SPSB1: variants seen among roughly 807,000 people sequenced by gnomAD.
The protein encoded by SPSB1 is SPRY domain-containing SOCS box protein 1.
In SPSB1, 8 loss-of-function variants were observed where a neutral mutation model predicts 21.2. The observed-to-expected ratio is 0.38, with a 90% CI of 0.22 to 0.68. SPSB1 has a LOEUF of 0.68. Among genes scored for constraint, SPSB1 ranks in the 30% least tolerant of loss-of-function variants. The pLI, the probability that SPSB1 is intolerant of heterozygous loss-of-function variation, is 0.53. For missense variants in SPSB1, 242 were observed against 377.8 expected (o/e 0.64, Z 2.98); for synonymous variants, 169 against 161.7 (o/e 1.05, Z -0.34).
At chr1:9,347,537 C>T (rs1029892319) in intron 1 of SPSB1, among the ~76,000 whole-genome samples, 2 of 152,194 alleles carry the variant, frequency 1.3e-5, no homozygotes, top group Non-Finnish European at 2.9e-5. Flanking sequence ...CATAAATAGG[C>T]GCAGAGAGAA....
intron 1 of SPSB1, among the ~76,000 whole-genome samples, chr1:9,326,266 C>T (rs780177243): frequency 5.9e-5 from 9 of 152,140 alleles, no homozygotes; most frequent in Non-Finnish European, 1.0e-4. Flanking sequence ...TTCCCAGCAC[C>T]ACCCCAAGGG....
intron 1 of SPSB1, among the ~76,000 whole-genome samples, chr1:9,336,896 G>A (rs1640013955): frequency 6.6e-6 from 1 of 152,136 alleles, no homozygotes; most frequent in South Asian, 2.1e-4. Flanking sequence ...TGAGTTTGGG[G>A]AAGGAGCCTT....
At position 9,324,522 on chromosome 1, in the gene SPSB1, G is replaced by C. The variant is rs1035102709; in HGVS notation, c.-149-31221G>C. Reference sequence around the variant, plus strand: ...TCGGAGGGCTGTGGGCCCGGGACTCGGTGTGTCCGATGAGGAAACCAGCTT... The same window carrying C: ...TCGGAGGGCTGTGGGCCCGGGACTCCGTGTGTCCGATGAGGAAACCAGCTT... On this transcript the variant is annotated intron_variant, in intron 1 of 2. Transcript: ENST00000328089. This position sits in a 1 kb window ranked among gnomAD's most constrained non-coding sequence, Gnocchi z 4.3. 6.6e-6 allele frequency among the ~76,000 whole-genome samples: 1 copy of C among 152,090 alleles called. No individual in the cohort carries two copies. Among genetic ancestry groups the C allele is most frequent in the Non-Finnish European group, 1.5e-5 (1 of 68,006 alleles).
chr1:9,355,176 T>G (rs1195337841), intron 1 of SPSB1, among the ~76,000 whole-genome samples: 2 of 152,196 alleles, frequency 1.3e-5, no homozygotes, highest in Non-Finnish European at 2.9e-5. Context: ...ACCCCTGAGT[T>G]GAGCTGTCCA....
chr1:9,346,653 C>A lies in SPSB1; in HGVS notation c.-149-9090C>A, dbSNP rs1640170142. Among the ~76,000 whole-genome samples, 1 of 152,206 alleles carries A rather than the reference C, an allele frequency of 6.6e-6. No individual in the cohort carries two copies. The highest frequency in any genetic ancestry group is 2.1e-4 in the South Asian group (1 of 4,830). On this transcript the variant is annotated intron_variant, in intron 1 of 2. Coordinates refer to ENST00000328089, the MANE Select transcript of SPSB1 (RefSeq NM_025106.4). This position sits in a 1 kb window ranked among gnomAD's most constrained non-coding sequence, Gnocchi z 4.4. ...TGCCGGCAGGTGCTGTGCAGTCTGG[C>A]CTGTCTCAGCCTCCCCCAGGGTCTG...
chr1:9,311,006 C>T (rs1036476400), intron 1 of SPSB1, among the ~76,000 whole-genome samples: 21 of 152,078 alleles, frequency 1.4e-4, no homozygotes, highest in Admixed American at 1.1e-3. Context: ...ATATTTTCCC[C>T]CCTTCTTCTA....
At chr1:9,334,262 T>C (rs1639969568) in intron 1 of SPSB1, among the ~76,000 whole-genome samples, 1 of 152,036 alleles carries the variant, frequency 6.6e-6, no homozygotes, top group African/African-American at 2.4e-5. Flanking sequence ...ATTTTTGTAT[T>C]TTTAGTAGAG....
At chr1:9,347,174 T>G (rs1640177930) in intron 1 of SPSB1, among the ~76,000 whole-genome samples, 1 of 152,160 alleles carries the variant, frequency 6.6e-6, no homozygotes, top group African/African-American at 2.4e-5. Flanking sequence ...AAAAAGCGTT[T>G]TAAACGCCCT....
chr1:9,347,635 A>G (rs1282796766), intron 1 of SPSB1, among the ~76,000 whole-genome samples: 1 of 152,226 alleles, frequency 6.6e-6, no homozygotes, highest in African/African-American at 2.4e-5. Context: ...GCATCGTGTT[A>G]CATTTTCTGT....
chr1:9,333,099 C>T (rs1639949443), intron 1 of SPSB1, among the ~76,000 whole-genome samples: 1 of 152,214 alleles, frequency 6.6e-6, no homozygotes, highest in Non-Finnish European at 1.5e-5. Flanking sequence ...CTCCCAGGTG[C>T]ACACTCCATG....
In SPSB1 at chr1:9,356,702, G is replaced by A. The variant is rs1472504334; in HGVS notation, c.694+117G>A. ...AGAGTGTTTTGAAGACGATATTCCA[G>A]TGTATTCAGACCCTCAGAGGCAACT... On this transcript the variant is annotated intron_variant, in intron 2 of 2. Transcript: ENST00000328089. This position sits in a 1 kb window ranked among gnomAD's most constrained non-coding sequence, Gnocchi z 7.4. 6.9e-7 allele frequency: 1 copy of A among 1,445,526 alleles called. No individual in the cohort carries two copies. Among genetic ancestry groups the A allele is most frequent in the Non-Finnish European group, 9.1e-7 (1 of 1,100,284 alleles). 89.5% of individuals were successfully genotyped at this position (1,445,526 alleles called of 1,614,324 possible).
chr1:9,318,266 C>T (rs1039918631), intron 1 of SPSB1, among the ~76,000 whole-genome samples: 1 of 152,234 alleles, frequency 6.6e-6, no homozygotes, highest in South Asian at 2.1e-4. Flanking sequence ...ACGGGTCCTC[C>T]GCCCGCTTGG....
chr1:9,307,376 C>T (rs1335557228), intron 1 of SPSB1, among the ~76,000 whole-genome samples: 1 of 152,216 alleles, frequency 6.6e-6, no homozygotes, highest in South Asian at 2.1e-4. Context: ...GAAGGAAACC[C>T]CATCCACATT....
chr1:9,354,807 A>C (rs1640335452), intron 1 of SPSB1, among the ~76,000 whole-genome samples: 1 of 152,068 alleles, frequency 6.6e-6, no homozygotes, highest in African/African-American at 2.4e-5. Context: ...TCTCAAAAAA[A>C]AAAAGAATTC....
In SPSB1 at chr1:9,360,851, C is replaced by T. The variant is rs567708131; in HGVS notation, c.694+4266C>T. On this transcript the variant is annotated intron_variant, in intron 2 of 2. Transcript: ENST00000328089. ...ATGAATTGGAGGACACTGGTCAACCCGCTTCAGATGTGGAGGCAGCCAGTG... is the reference window on the plus strand; with the variant it reads ...ATGAATTGGAGGACACTGGTCAACCTGCTTCAGATGTGGAGGCAGCCAGTG... Among the ~76,000 whole-genome samples, 53 of 152,328 alleles carry T rather than the reference C, an allele frequency of 3.5e-4. 1 individual carries two copies. Among genetic ancestry groups the T allele is most frequent in the African/African-American group, 1.2e-3 (49 of 41,574 alleles).
At chr1:9,296,194 G>GTAC in intron 1 of SPSB1, among the ~76,000 whole-genome samples, 1 of 152,340 alleles carries the variant, frequency 6.6e-6, no homozygotes. Flanking sequence ...GTGCGTGCGA[G>GTAC]TACTGGCTCT....
intron 1 of SPSB1, among the ~76,000 whole-genome samples, chr1:9,333,476 G>A (rs1041947757): frequency 5.9e-5 from 9 of 151,998 alleles, no homozygotes; most frequent in Admixed American, 1.3e-4. Context: ...GACTACAGGC[G>A]CGTGCCACTA....
intron 1 of SPSB1, among the ~76,000 whole-genome samples, chr1:9,316,641 C>T (rs997630570): frequency 6.6e-6 from 1 of 152,206 alleles, no homozygotes; most frequent in Admixed American, 6.5e-5. Context: ...CACCCGTTCC[C>T]GCCATCTTGG....
In SPSB1 at chr1:9,293,378, G is replaced by C. The variant is rs868528155; in HGVS notation, c.-150+307G>C. On this transcript the variant is annotated intron_variant, in intron 1 of 2. Coordinates refer to ENST00000328089, the MANE Select transcript of SPSB1 (RefSeq NM_025106.4). This position sits in a 1 kb window ranked among gnomAD's most constrained non-coding sequence, Gnocchi z 5.1. ...CGAGGCGCGGCGGGGGTCTCGGGGC[G>C]CGGGGACCGTCGCAACGAGTTGCGG... Among the ~76,000 whole-genome samples the C allele has an allele frequency of 4.8e-4, 72 of 151,434 alleles. No homozygotes were observed. Among genetic ancestry groups the C allele is most frequent in the South Asian group, 3.9e-3 (19 of 4,826 alleles).
Sources: allele counts gnomAD v4.1 joint callset (sites outside exome capture counted in the v4.1 genomes callset), GRCh38; gene constraint gnomAD v4.1.1; non-coding constraint Gnocchi (gnomAD v3.1); transcripts MANE v1.5; gene names NCBI Gene and HGNC (gene_info 2026-07-23, HGNC 2026-07-21).